The following DOCK7 variants were observed in gnomAD, a reference collection of about 807,000 sequenced individuals.
The protein encoded by DOCK7 is dedicator of cytokinesis 7.
A neutral mutation model predicts 271.0 loss-of-function variants in DOCK7; 138 were observed. That is an observed-to-expected ratio of 0.51 (90% CI 0.44 to 0.59). The LOEUF is 0.59. DOCK7 is among the 20% of genes least tolerant of loss of function. The pLI is 0.00. For missense variants in DOCK7, 2,066 were observed against 2,592.4 expected (o/e 0.80, Z 4.41); for synonymous variants, 823 against 876.1 (o/e 0.94, Z 1.07).
At position 62,632,465 on chromosome 1, in the gene DOCK7, C is replaced by T. The variant is rs138359049; in HGVS notation, c.1116+1033G>A. On this transcript the variant is annotated intron_variant, in intron 10 of 49. Coordinates refer to ENST00000635253, the MANE Select transcript of DOCK7 (RefSeq NM_001367561.1). ...CATGTGCTCAGATCTACAGAAAAAG[C>T]TCAGTTCTTGTTATGAATCTTGGGA... is the stretch of plus-strand genomic sequence containing the variant. Among the ~76,000 whole-genome samples the T allele has an allele frequency of 1.8e-3, 281 of 152,198 alleles. 1 individual carries two copies. Among genetic ancestry groups the T allele is most frequent in the African/African-American group, 6.5e-3 (272 of 41,542 alleles).
At chr1:62,555,362 T>G (rs575983965) in intron 21 of DOCK7, 1 of 152,544 alleles carries the variant, frequency 6.6e-6, no homozygotes, top group East Asian at 1.9e-4. Context: ...ATTTTTCTTG[T>G]CTTTTTTATG....
chr1:62,687,527 C>G (rs1661933122), intron 1 of DOCK7: 1 of 134,174 alleles, frequency 7.5e-6, no homozygotes, highest in Non-Finnish European at 1.7e-5. Flanking sequence ...CACAGGCGAA[C>G]TCAGAACAAG....
intron 24 of DOCK7, 146 bp downstream of exon 24, chr1:62,543,510 C>G (rs578037975): frequency 6.5e-5 from 33 of 504,844 alleles, no homozygotes; most frequent in African/African-American, 4.8e-4. Context: ...CAAAAGGCAT[C>G]AGACAAGCAA....
At chr1:62,685,207 T>C (rs1320513167) in intron 1 of DOCK7, among the ~76,000 whole-genome samples, 1 of 152,202 alleles carries the variant, frequency 6.6e-6, no homozygotes, top group Non-Finnish European at 1.5e-5. Flanking sequence ...AGTCTTACCA[T>C]CATCCTCATT....
rs911688864 is a variant in DOCK7, at chr1:62,631,468, T to A, written c.1117-63A>T. 4.4e-5 allele frequency: 60 copies of A among 1,363,060 alleles called. No individual in the cohort carries two copies. The Admixed American group carries it at 1.4e-3, about 31-fold the overall frequency. The allele number at this position is 1,363,060 out of a possible 1,614,324, so 84.4% of individuals were successfully genotyped here. On this transcript the variant is annotated intron_variant, in intron 10 of 49. Coordinates refer to ENST00000635253, the MANE Select transcript of DOCK7 (RefSeq NM_001367561.1). The stretch of plus-strand genomic sequence containing the variant: ...TGAAAGAAATCAGTTAAAGGCTATT[T>A]CATACTACATAAAGGAAAAGGATGA...
chr1:62,544,340 A>G (rs1392021098), intron 23 of DOCK7, among the ~76,000 whole-genome samples: 7 of 152,204 alleles, frequency 4.6e-5, no homozygotes, highest in African/African-American at 1.7e-4. Context: ...CTATCAAGCA[A>G]CTAGTCTTAA....
At position 62,552,787 on chromosome 1, in the gene DOCK7, A is replaced by G; in HGVS notation, c.2711T>C (p.Ile904Thr). 6.2e-7 allele frequency: 1 copy of G among 1,613,974 alleles called. No individual in the cohort carries two copies. Among genetic ancestry groups the G allele is most frequent in the African/African-American group, 1.3e-5 (1 of 75,026 alleles). ...SRSLSNSNPD[I>T]SGTPTSPDDE... is the part of the protein sequence containing the mutation. ...ATCTGGTGACGTGGGAGTCCCAGAT[A>G]TATCTGGATTGCTATTACTAAGGCT... Residue 904 changes from isoleucine to threonine, a missense_variant, in exon 22 of 50, where the codon ATA (isoleucine) becomes ACA (threonine). By Grantham distance (89) the Ile-to-Thr change is moderately conservative. Coordinates refer to ENST00000635253, the MANE Select transcript of DOCK7 (RefSeq NM_001367561.1).
chr1:62,562,805 G>A (rs532640610), intron 18 of DOCK7, among the ~76,000 whole-genome samples: 2 of 152,176 alleles, frequency 1.3e-5, no homozygotes, highest in African/African-American at 4.8e-5. Flanking sequence ...GCCAAAAGAA[G>A]TGGAGAAACA....
chr1:62,594,634 G>C (rs762482964), intron 14 of DOCK7, among the ~76,000 whole-genome samples: 10 of 151,978 alleles, frequency 6.6e-5, no homozygotes, highest in Non-Finnish European at 1.3e-4. Context: ...TATCAAAAGG[G>C]GGTAAACACT....
At chr1:62,597,549 T>C (rs2149524955) in intron 14 of DOCK7, 2 of 1,612,030 alleles carry the variant, frequency 1.2e-6, no homozygotes, top group East Asian at 2.2e-5. Flanking sequence ...TTGCTTGAAA[T>C]TGAAAATCAA....
chr1:62,632,423 G>C (rs369364368), intron 10 of DOCK7, among the ~76,000 whole-genome samples: 4 of 152,164 alleles, frequency 2.6e-5, no homozygotes, highest in Admixed American at 6.5e-5. Flanking sequence ...GGTAATCAAG[G>C]ATCAAGAAAA....
chr1:62,685,420 A>G (rs999694255), intron 1 of DOCK7, among the ~76,000 whole-genome samples: 1 of 152,208 alleles, frequency 6.6e-6, no homozygotes, highest in African/African-American at 2.4e-5. Context: ...ATAACAAGGA[A>G]GAACCTTTCA....
At chr1:62,658,895 G>A (rs1224197812) in intron 2 of DOCK7, among the ~76,000 whole-genome samples, 2 of 151,418 alleles carry the variant, frequency 1.3e-5, no homozygotes, top group African/African-American at 4.9e-5. Flanking sequence ...AGAGGTTGCA[G>A]TAAGCTGAGA....
At chr1:62,535,264 C>T (rs566623662) in intron 29 of DOCK7, among the ~76,000 whole-genome samples, 3 of 152,000 alleles carry the variant, frequency 2.0e-5, no homozygotes, top group Admixed American at 2.0e-4. Flanking sequence ...TGATACGCCA[C>T]CAATTTTAAG....
intron 14 of DOCK7, among the ~76,000 whole-genome samples, chr1:62,618,080 T>C (rs1332140306): frequency 1.3e-5 from 2 of 152,090 alleles, no homozygotes; most frequent in African/African-American, 2.4e-5. Flanking sequence ...CCAACAGACA[T>C]GTCAAGTTCT....
intron 7 of DOCK7, among the ~76,000 whole-genome samples, chr1:62,639,426 CT>C (rs386367151): frequency 3.7e-3 from 278 of 75,848 alleles, no homozygotes; most frequent in Non-Finnish European, 4.9e-3. Flanking sequence ...TTGTAATACT[CT>C]TTTTTTTTTT....
chr1:62,547,517 T>C (rs1334736178), intron 22 of DOCK7, among the ~76,000 whole-genome samples: 2 of 152,188 alleles, frequency 1.3e-5, no homozygotes, highest in Non-Finnish European at 2.9e-5. Flanking sequence ...CATCAACACT[T>C]GTGTTATATT....
intron 48 of DOCK7, among the ~76,000 whole-genome samples, chr1:62,467,877 T>C (rs1489510105): frequency 6.6e-6 from 1 of 151,970 alleles, no homozygotes; most frequent in African/African-American, 2.4e-5. Flanking sequence ...ACTAACCAAA[T>C]CCAACAGCAT....
chr1:62,671,966 C>CAA (rs11300118), intron 1 of DOCK7, among the ~76,000 whole-genome samples: 3,244 of 141,688 alleles, frequency 0.023, 75 homozygotes, highest in African/African-American at 0.053. Context: ...AAAATGAAGA[C>CAA]AAAAAAAAAA....
Sources: gnomAD v4.1 joint callset for allele counts (sites outside exome capture counted in the v4.1 genomes callset) on GRCh38, gnomAD v4.1.1 for gene constraint, MANE v1.5 for transcripts, NCBI Gene and HGNC (gene_info 2026-07-23, HGNC 2026-07-21) for gene names.